LRP1B: variants seen among roughly 807,000 people sequenced by gnomAD.
LRP1B encodes the protein LDL receptor related protein 1B.
LRP1B carries 217 observed loss-of-function variants against 556.6 expected under a neutral mutation model. The observed-to-expected ratio is 0.39, with a 90% confidence interval of 0.35 to 0.44. The LOEUF is 0.44. Among genes scored for constraint, LRP1B ranks in the 20% least tolerant of loss-of-function variants. The pLI is 1.00. For synonymous variants in LRP1B, 2,047 were observed against 1,865.8 expected (o/e 1.10, Z -2.50); for missense variants, 5,053 against 5,620.8 (o/e 0.90, Z 3.23).
intron 3 of LRP1B, among the ~76,000 whole-genome samples, chr2:141,402,077 C>A (rs1296765480): frequency 6.6e-6 from 1 of 152,106 alleles, no homozygotes; most frequent in Non-Finnish European, 1.5e-5. Context: ...AGATATTTTA[C>A]CCTTCTGTTA....
At chr2:141,599,808 C>T (rs993487887) in intron 2 of LRP1B, among the ~76,000 whole-genome samples, 5 of 152,014 alleles carry the variant, frequency 3.3e-5, no homozygotes, top group African/African-American at 4.8e-5. Flanking sequence ...ACAAAGTTAA[C>T]CCTCTTGAAA....
At chr2:141,485,412 C>T (rs1683086929) in intron 2 of LRP1B, among the ~76,000 whole-genome samples, 2 of 152,132 alleles carry the variant, frequency 1.3e-5, no homozygotes, top group Non-Finnish European at 2.9e-5. Context: ...ATTAGCCTCA[C>T]AGTTGAGGGA....
intron 2 of LRP1B, among the ~76,000 whole-genome samples, chr2:141,490,619 A>G (rs1683297059): frequency 6.6e-6 from 1 of 152,156 alleles, no homozygotes; most frequent in South Asian, 2.1e-4. Flanking sequence ...TATATTAGGC[A>G]TATTGAGTGT....
chr2:141,045,019 C>T (rs538861641), intron 11 of LRP1B, among the ~76,000 whole-genome samples: 60 of 151,490 alleles, frequency 4.0e-4, no homozygotes, highest in African/African-American at 1.4e-3. Context: ...TGGAACCAAC[C>T]CAAATGTCCA....
At chr2:141,464,792 T>C (rs556741406) in intron 3 of LRP1B, among the ~76,000 whole-genome samples, 1 of 151,700 alleles carries the variant, frequency 6.6e-6, no homozygotes, top group African/African-American at 2.4e-5. Flanking sequence ...ATTTACTCTC[T>C]AAAACCATGT....
intron 45 of LRP1B, 48 bp from the exon 46 acceptor site, chr2:140,536,757 T>C: frequency 7.0e-7 from 1 of 1,423,220 alleles, no homozygotes; most frequent in Non-Finnish European, 9.6e-7. Context: ...ATGGCAAATA[T>C]TTTTTGACAC....
At chr2:141,259,551 C>G (rs528654691) in intron 3 of LRP1B, among the ~76,000 whole-genome samples, 104 of 152,308 alleles carry the variant, frequency 6.8e-4, no homozygotes, top group African/African-American at 2.3e-3. Flanking sequence ...CATCTGGGTG[C>G]AGGGAATCCA....
chr2:141,913,219 C>G (rs60821900), intron 1 of LRP1B, among the ~76,000 whole-genome samples: 1 of 151,954 alleles, frequency 6.6e-6, no homozygotes. Flanking sequence ...TTTTATGTTT[C>G]GTATATTTTG....
chr2:140,797,925 C>T (rs1045583928), intron 32 of LRP1B, among the ~76,000 whole-genome samples: 2 of 152,124 alleles, frequency 1.3e-5, no homozygotes, highest in African/African-American at 2.4e-5. Flanking sequence ...TGACTCACTC[C>T]GGACTTCCTT....
chr2:141,795,471 C>T (rs182600227), intron 2 of LRP1B, among the ~76,000 whole-genome samples: 12 of 152,124 alleles, frequency 7.9e-5, no homozygotes, highest in African/African-American at 2.6e-4. Flanking sequence ...TACACATCTA[C>T]ATTAATTTTA....
intron 1 of LRP1B, among the ~76,000 whole-genome samples, chr2:141,955,563 G>A (rs1419589862): frequency 1.3e-5 from 2 of 152,054 alleles, no homozygotes; most frequent in African/African-American, 4.8e-5. Context: ...CTGGAAGTCT[G>A]ACATGGACTT....
At chr2:141,252,136 C>A (rs958211854) in intron 4 of LRP1B, among the ~76,000 whole-genome samples, 1 of 151,882 alleles carries the variant, frequency 6.6e-6, no homozygotes, top group African/African-American at 2.4e-5. Context: ...TTTGTTGTAG[C>A]TGGCTTAATT....
At chr2:140,810,803 C>T (rs2046505) in intron 32 of LRP1B, among the ~76,000 whole-genome samples, 8,416 of 152,232 alleles carry the variant, frequency 0.055, 626 homozygotes, top group African/African-American at 0.16. Flanking sequence ...ATGGTGCAAT[C>T]TCGGCTCACT....
intron 66 of LRP1B, among the ~76,000 whole-genome samples, chr2:140,408,026 C>T (rs1684819529): frequency 6.6e-6 from 1 of 151,880 alleles, no homozygotes; most frequent in Non-Finnish European, 1.5e-5. Flanking sequence ...ATATATTTTG[C>T]AGCAACTTGG....
intron 43 of LRP1B, among the ~76,000 whole-genome samples, chr2:140,582,373 C>T (rs562381438): frequency 6.6e-6 from 1 of 152,294 alleles, no homozygotes; most frequent in East Asian, 1.9e-4. Flanking sequence ...TCTTCTACCT[C>T]TTCTGATATG....
intron 2 of LRP1B, among the ~76,000 whole-genome samples, chr2:141,646,529 G>A (rs1035918394): frequency 2.6e-5 from 4 of 152,040 alleles, no homozygotes; most frequent in Non-Finnish European, 4.4e-5. Context: ...TTAATACGTT[G>A]GGAGCATCTT....
intron 41 of LRP1B, among the ~76,000 whole-genome samples, chr2:140,632,293 A>G (rs79179063): frequency 0.029 from 4,444 of 152,208 alleles, 100 homozygotes; most frequent in South Asian, 0.05. Flanking sequence ...TAAAATAATA[A>G]TAGAAACAAT....
chr2:141,519,171 T>A (rs1327165099), intron 2 of LRP1B, among the ~76,000 whole-genome samples: 2 of 151,742 alleles, frequency 1.3e-5, no homozygotes, highest in African/African-American at 4.8e-5. Flanking sequence ...TTACATTAGC[T>A]AAAAGGATTC....
At chr2:141,229,545 A>G in intron 5 of LRP1B, 105 bp from the exon 6 acceptor site, 1 of 858,694 alleles carries the variant, frequency 1.2e-6, no homozygotes. Flanking sequence ...TAATAAATTC[A>G]TAACAAAAAT....
Sources: gnomAD v4.1 joint callset for allele counts (sites outside exome capture counted in the v4.1 genomes callset) on GRCh38, gnomAD v4.1.1 for gene constraint, MANE v1.5 for transcripts, NCBI Gene and HGNC (gene_info 2026-07-23, HGNC 2026-07-21) for gene names.